The following FAM184B variants were observed in gnomAD, a reference collection of about 807,000 sequenced individuals.
The protein encoded by FAM184B is family with sequence similarity 184 member B.
FAM184B carries 111 observed loss-of-function variants against 135.9 expected under a neutral mutation model. The observed-to-expected ratio is 0.82, with a 90% CI of 0.70 to 0.96. The LOEUF is 0.96. FAM184B is among the 40% of genes least tolerant of loss of function. The pLI is 0.00. For synonymous variants in FAM184B, 552 were observed against 524.8 expected (o/e 1.05, Z -0.71); for missense variants, 1,375 against 1,323.9 (o/e 1.04, Z -0.60).
At chr4:17,657,838 G>A (rs1254526115) in intron 10 of FAM184B, among the ~76,000 whole-genome samples, 1 of 151,854 alleles carries the variant, frequency 6.6e-6, no homozygotes, top group Non-Finnish European at 1.5e-5. Context: ...TGTATTTTTA[G>A]TAGAGACAGG....
intron 7 of FAM184B, among the ~76,000 whole-genome samples, chr4:17,672,583 A>C (rs1471677450): frequency 6.6e-6 from 1 of 152,198 alleles, no homozygotes; most frequent in Non-Finnish European, 1.5e-5. Flanking sequence ...AGTTTTAATC[A>C]TAAAGGGATG....
At chr4:17,691,870 T>C (rs1372688880) in intron 6 of FAM184B, among the ~76,000 whole-genome samples, 1 of 151,476 alleles carries the variant, frequency 6.6e-6, no homozygotes, top group African/African-American at 2.4e-5. Context: ...CTGGCCAACA[T>C]GGTGAAACCC....
chr4:17,709,498 G>A lies in FAM184B; in HGVS notation c.288C>T (p.Ala96=). ...CCAGGGCCTGGATGCGCTGTAGAAGGGCTTCCTCCTCTGCGCAGCCCTGTT... is the reference window on the plus strand; with the variant it reads ...CCAGGGCCTGGATGCGCTGTAGAAGAGCTTCCTCCTCTGCGCAGCCCTGTT... ...LQEQGCAEEE[A]LLQRIQALES... Residue 96 remains alanine (A), a synonymous_variant, in exon 2 of 18, where the codon GCC becomes GCT. Transcript: ENST00000265018. 2.6e-6 allele frequency: 4 copies of A among 1,550,462 alleles called. No homozygotes were observed. Among genetic ancestry groups the A allele is most frequent in the Non-Finnish European group, 1.7e-6 (2 of 1,146,524 alleles).
intron 10 of FAM184B, 49 bp from the exon 11 acceptor site, chr4:17,653,032 G>C (rs1211902979): frequency 6.5e-6 from 10 of 1,530,472 alleles, no homozygotes; most frequent in Non-Finnish European, 8.9e-6. Flanking sequence ...GCATGAGGGT[G>C]GGAGACCTGA....
intron 14 of FAM184B, among the ~76,000 whole-genome samples, chr4:17,637,876 T>C (rs575637610): frequency 6.6e-6 from 1 of 152,214 alleles, no homozygotes; most frequent in South Asian, 2.1e-4. Flanking sequence ...AGTCAGGCCA[T>C]GTCACTCCTG....
intron 16 of FAM184B, 86 bp from the exon 17 acceptor site, chr4:17,633,974 A>G: frequency 1.8e-6 from 2 of 1,085,264 alleles, no homozygotes; most frequent in Non-Finnish European, 2.5e-6. Context: ...TGCTCACCCA[A>G]TCAAAATTGT....
In FAM184B at chr4:17,658,455, C is replaced by A. The variant is rs1180101562; in HGVS notation, c.1932G>T (p.Glu644Asp). 6 of 1,551,506 alleles carry A rather than the reference C, an allele frequency of 3.9e-6. No homozygotes were observed. Among genetic ancestry groups the A allele is most frequent in the Admixed American group, 3.9e-5 (2 of 50,982 alleles). The part of the protein sequence containing the change: ...SDLEREKLQR[E>D]LQETTQQNHA... ...GGTTCTGCTGAGTGGTCTCCTGGAG[C>A]TCACGCTGCAGCTTCTCCCTCTCCA... Residue 644 changes from glutamate (E) to aspartate (D), a missense_variant, in exon 10 of 18, where the codon GAG becomes GAT. Transcript: ENST00000265018.
rs575353282 is a variant in FAM184B, at chr4:17,764,849, G to T, written c.141+16310C>A. Reference sequence around the variant, plus strand: ...GGAGGCCAAGGCAGGAGGATCACTTGAGTCCAGGAGATCGAGACCAGGCTG... The same window carrying T: ...GGAGGCCAAGGCAGGAGGATCACTTTAGTCCAGGAGATCGAGACCAGGCTG... On this transcript the variant is annotated intron_variant, in intron 1 of 17. Transcript: ENST00000265018. 5.9e-5 allele frequency among the ~76,000 whole-genome samples: 9 copies of T among 152,336 alleles called. No individual in the cohort carries two copies. In the East Asian group the frequency reaches 1.7e-3, roughly 29 times the overall value.
At chr4:17,712,236 C>T (rs1717292968) in intron 1 of FAM184B, among the ~76,000 whole-genome samples, 1 of 152,094 alleles carries the variant, frequency 6.6e-6, no homozygotes, top group African/African-American at 2.4e-5. Flanking sequence ...TTGGTGATGA[C>T]AAGGCCAAGT....
At chr4:17,707,910 A>G in intron 2 of FAM184B, 126 bp from the exon 3 acceptor site, 1 of 1,036,196 alleles carries the variant, frequency 9.7e-7, no homozygotes, top group Non-Finnish European at 1.4e-6. Context: ...AGTCAGTGGA[A>G]TTCAGTGGCC....
At chr4:17,765,723 G>A (rs1381553490) in intron 1 of FAM184B, among the ~76,000 whole-genome samples, 2 of 152,188 alleles carry the variant, frequency 1.3e-5, no homozygotes, top group African/African-American at 4.8e-5. Context: ...TCCGGAAATG[G>A]TGGGTTCTTG....
rs114931329 is a variant in FAM184B, at chr4:17,677,204, C to T, written c.1596+11220G>A. On this transcript the variant is annotated intron_variant, in intron 7 of 17. Coordinates refer to ENST00000265018, the MANE Select transcript of FAM184B (RefSeq NM_015688.2). ...CTGGGACTACAGGTACACACCACCACGCCCTTCTAATTTTTGTATTTTTTG... is the reference window on the plus strand; with the variant it reads ...CTGGGACTACAGGTACACACCACCATGCCCTTCTAATTTTTGTATTTTTTG... 8.0e-3 allele frequency among the ~76,000 whole-genome samples: 1,216 copies of T among 152,194 alleles called. 19 individuals are homozygous for T. The highest frequency in any genetic ancestry group is 0.028 in the African/African-American group (1,164 of 41,514).
At chr4:17,753,837 A>G (rs538113492) in intron 1 of FAM184B, among the ~76,000 whole-genome samples, 4 of 152,348 alleles carry the variant, frequency 2.6e-5, no homozygotes, top group South Asian at 2.1e-4. Context: ...TTTATATACC[A>G]CAGGGAAAGG....
chr4:17,728,868 T>A (rs564106798), intron 1 of FAM184B, among the ~76,000 whole-genome samples: 1 of 152,096 alleles, frequency 6.6e-6, no homozygotes, highest in South Asian at 2.1e-4. Flanking sequence ...AGGTACCGGG[T>A]TCATCTCACT....
intron 8 of FAM184B, among the ~76,000 whole-genome samples, 172 bp downstream of exon 8, chr4:17,664,390 T>G (rs896801009): frequency 6.6e-6 from 1 of 152,206 alleles, no homozygotes; most frequent in Admixed American, 6.5e-5. Context: ...ACACAGTTTA[T>G]GTGAAGCCCA....
chr4:17,721,235 T>G (rs1717518527), intron 1 of FAM184B, among the ~76,000 whole-genome samples: 1 of 151,472 alleles, frequency 6.6e-6, no homozygotes, highest in Non-Finnish European at 1.5e-5. Flanking sequence ...TACAAAAAAA[T>G]TAGCCAGGCG....
Position 17,781,423 on chromosome 4 carries a change from G to A in FAM184B, c.-124C>T. On this transcript the variant is annotated 5_prime_UTR_variant, in exon 1 of 18. Coordinates refer to ENST00000265018, the MANE Select transcript of FAM184B (RefSeq NM_015688.2). This position sits in a 1 kb window ranked among gnomAD's most constrained non-coding sequence, Gnocchi z 6.5. ...GGAGAGGTGGCACTGCAGTCCCGTCGCCTGCACCGCCGCGTGGCCCCAGCT... is the reference window on the plus strand; with the variant it reads ...GGAGAGGTGGCACTGCAGTCCCGTCACCTGCACCGCCGCGTGGCCCCAGCT... 1 of 1,181,268 alleles carries A rather than the reference G, an allele frequency of 8.5e-7. No individual in the cohort carries two copies. The highest frequency in any genetic ancestry group is 1.1e-6 in the Non-Finnish European group (1 of 905,220). The allele number at this position is 1,181,268 out of a possible 1,614,324, so 73.2% of individuals were successfully genotyped here.
At position 17,697,919 on chromosome 4, in the gene FAM184B, G is replaced by A. The variant is rs185192654; in HGVS notation, c.1378-4507C>T. On this transcript the variant is annotated intron_variant, in intron 5 of 17. Coordinates refer to ENST00000265018, the MANE Select transcript of FAM184B (RefSeq NM_015688.2). ...CAGCAGTAATTTTTGGCATTACTAA[G>A]CTTCATGTTGGGTGCAAAATAATGT... Among the ~76,000 whole-genome samples the A allele has an allele frequency of 5.9e-5, 9 of 152,222 alleles. No individual in the cohort carries two copies. In the South Asian group the frequency reaches 1.9e-3, roughly 32 times the overall value.
chr4:17,707,996 A>G (rs2108965403), intron 2 of FAM184B, among the ~76,000 whole-genome samples: 1 of 152,284 alleles, frequency 6.6e-6, no homozygotes, highest in East Asian at 1.9e-4. Context: ...GGTAAAAAAA[A>G]AATGCTCAGG....
Sources: allele counts gnomAD v4.1 joint callset (sites outside exome capture counted in the v4.1 genomes callset), GRCh38; gene constraint gnomAD v4.1.1; non-coding constraint Gnocchi (gnomAD v3.1); transcripts MANE v1.5; gene names NCBI Gene and HGNC (gene_info 2026-07-23, HGNC 2026-07-21).